The following LRRC7 variants were observed in gnomAD, a reference collection of about 807,000 sequenced individuals.
The protein encoded by LRRC7 is leucine rich repeat containing 7.
Under a neutral mutation model 175.7 loss-of-function variants are expected in LRRC7, and 23 were observed. The observed-to-expected ratio is 0.13, with a 90% CI of 0.09 to 0.19. The LOEUF (loss-of-function observed/expected upper bound fraction) is 0.19. Ranked by LOEUF, LRRC7 falls within the 10% of genes least tolerant of loss-of-function variation. LRRC7 has a pLI of 1.00. For missense variants in LRRC7, 1,354 were observed against 1,904.7 expected, an observed-to-expected ratio of 0.71 and a Z score of 5.38; for synonymous variants, 685 against 680.9, an observed-to-expected ratio of 1.01 and a Z score of -0.09.
At chr1:69,693,492 C>T (rs1444702306) in intron 2 of LRRC7, among the ~76,000 whole-genome samples, 2 of 152,138 alleles carry the variant, frequency 1.3e-5, no homozygotes, top group African/African-American at 2.4e-5. Flanking sequence ...TTGACATTGC[C>T]ATTCAAGTCT....
intron 7 of LRRC7, among the ~76,000 whole-genome samples, chr1:69,868,946 T>C (rs1194401655): frequency 6.6e-6 from 1 of 151,228 alleles, no homozygotes; most frequent in Non-Finnish European, 1.5e-5. Flanking sequence ...TATCTTAATC[T>C]CCTGTTTGTA....
intron 2 of LRRC7, among the ~76,000 whole-genome samples, chr1:69,750,822 G>T (rs866826428): frequency 5.3e-5 from 8 of 152,250 alleles, no homozygotes; most frequent in South Asian, 2.1e-4. Flanking sequence ...TGAGGGCGGG[G>T]TCTTCATGAC....
chr1:69,682,581 T>C (rs957855269), intron 2 of LRRC7, among the ~76,000 whole-genome samples: 1 of 152,134 alleles, frequency 6.6e-6, no homozygotes, highest in African/African-American at 2.4e-5. Flanking sequence ...AAAACCCAAT[T>C]GATGTTATAT....
chr1:69,948,955 T>G (rs1039597110), intron 8 of LRRC7, among the ~76,000 whole-genome samples: 8 of 152,112 alleles, frequency 5.3e-5, no homozygotes, highest in Non-Finnish European at 1.5e-5. Flanking sequence ...TTAATGAGAA[T>G]TTTCAGCTAG....
chr1:69,660,823 G>T (rs1258132171), intron 1 of LRRC7, among the ~76,000 whole-genome samples: 3 of 152,154 alleles, frequency 2.0e-5, no homozygotes, highest in African/African-American at 7.2e-5. Flanking sequence ...GTTGGAGGCA[G>T]TGCAGTGACA....
At chr1:70,082,362 T>C (rs910520216) in intron 24 of LRRC7, among the ~76,000 whole-genome samples, 1 of 152,212 alleles carries the variant, frequency 6.6e-6, no homozygotes, top group African/African-American at 2.4e-5. Flanking sequence ...CCTGTCCCAC[T>C]TAAAGAATTG....
intron 11 of LRRC7, among the ~76,000 whole-genome samples, chr1:70,008,445 T>C (rs1656189308): frequency 6.6e-6 from 1 of 152,246 alleles, no homozygotes; most frequent in African/African-American, 2.4e-5. Flanking sequence ...CTATGCATAT[T>C]ACTTATTGTC....
intron 7 of LRRC7, among the ~76,000 whole-genome samples, chr1:69,901,025 T>G (rs72943268): frequency 0.023 from 3,540 of 152,308 alleles, 163 homozygotes; most frequent in African/African-American, 0.082. Context: ...GTTCCTTGAA[T>G]GCAATATTGA....
chr1:69,675,731 A>G (rs944838508), intron 1 of LRRC7, among the ~76,000 whole-genome samples: 5 of 152,106 alleles, frequency 3.3e-5, no homozygotes, highest in Non-Finnish European at 5.9e-5. Flanking sequence ...TTTAGTTCGC[A>G]TAGCTAATCT....
At position 69,842,519 on chromosome 1, in the gene LRRC7, C is replaced by T. The variant is rs114459882; in HGVS notation, c.647+4236C>T. 4.6e-3 allele frequency among the ~76,000 whole-genome samples: 699 copies of T among 152,248 alleles called. 6 individuals carry two copies. The highest frequency in any genetic ancestry group is 0.015 in the African/African-American group (627 of 41,562). On this transcript the variant is annotated intron_variant, in intron 7 of 26. Coordinates refer to ENST00000651989, the MANE Select transcript of LRRC7 (RefSeq NM_001370785.2). Reference sequence around the variant, plus strand: ...GCACAAGGCATGAAACATGATACCTCACTTTGCTGTCATATACACTGACTA... The same window carrying T: ...GCACAAGGCATGAAACATGATACCTTACTTTGCTGTCATATACACTGACTA...
chr1:70,130,412 AT>A lies in LRRC7; in HGVS notation c.*8527del, dbSNP rs1666616391. Among the ~76,000 whole-genome samples, 1 of 152,200 alleles carries A rather than the reference AT, an allele frequency of 6.6e-6. No individual in the cohort carries two copies. The highest frequency in any genetic ancestry group is 2.4e-5 in the African/African-American group (1 of 41,454). On this transcript the variant is annotated 3_prime_UTR_variant, in exon 27 of 27. Coordinates refer to ENST00000651989, the MANE Select transcript of LRRC7 (RefSeq NM_001370785.2). ...TTATAAATATTGAACTAAACAGCAA[AT>A]TGATCTTCAGTTTGTGTAACCTTAA...
intron 3 of LRRC7, among the ~76,000 whole-genome samples, chr1:69,781,691 GAAAGA>G (rs1248869439): frequency 4.0e-5 from 1 of 24,956 alleles, no homozygotes; most frequent in Non-Finnish European, 6.7e-5. Flanking sequence ...AAAAAAAGAA[GAAAGA>G]AAGAAAGAAA....
At position 69,756,643 on chromosome 1, in the gene LRRC7, T is replaced by G. The variant is rs569518921; in HGVS notation, c.101-3548T>G. ...AGAAAAGGTATTTCTGACATGCAAG[T>G]CCTCAAAAAATACACCTTTTTTGAG... On this transcript the variant is annotated intron_variant, in intron 2 of 26. Transcript: ENST00000651989. Among the ~76,000 whole-genome samples the G allele has an allele frequency of 3.3e-5, 5 of 151,822 alleles. No individual in the cohort carries two copies. The South Asian group carries it at 6.2e-4, about 19-fold the overall frequency.
At chr1:69,859,292 A>T (rs984839279) in intron 7 of LRRC7, among the ~76,000 whole-genome samples, 1 of 152,140 alleles carries the variant, frequency 6.6e-6, no homozygotes, top group Non-Finnish European at 1.5e-5. Flanking sequence ...TAGAATGAAG[A>T]CTAATTTTAA....
chr1:69,875,195 G>C (rs1685932609), intron 7 of LRRC7, among the ~76,000 whole-genome samples: 3 of 151,958 alleles, frequency 2.0e-5, no homozygotes, highest in African/African-American at 7.2e-5. Context: ...TTGCTGTTTT[G>C]ACTTTATGAT....
chr1:69,752,654 G>A (rs761803738), intron 2 of LRRC7, among the ~76,000 whole-genome samples: 1 of 152,136 alleles, frequency 6.6e-6, no homozygotes, highest in African/African-American at 2.4e-5. Context: ...AAGCACTGCT[G>A]TTCAAATGCG....
chr1:69,795,225 T>A (rs902729352), intron 4 of LRRC7, among the ~76,000 whole-genome samples: 2 of 151,834 alleles, frequency 1.3e-5, no homozygotes, highest in African/African-American at 4.8e-5. Flanking sequence ...ACTAAAAATA[T>A]AAAAATTAGC....
At chr1:69,705,810 A>G (rs1390131568) in intron 2 of LRRC7, among the ~76,000 whole-genome samples, 2 of 152,128 alleles carry the variant, frequency 1.3e-5, no homozygotes, top group Non-Finnish European at 2.9e-5. Flanking sequence ...CTGATTTTGG[A>G]CATGACCAGA....
intron 7 of LRRC7, among the ~76,000 whole-genome samples, chr1:69,839,697 A>G (rs1004726895): frequency 1.3e-5 from 2 of 152,088 alleles, no homozygotes; most frequent in African/African-American, 4.8e-5. Flanking sequence ...AATATTGAGT[A>G]TGCAGAGGAG....
Sources: allele counts gnomAD v4.1 joint callset (sites outside exome capture counted in the v4.1 genomes callset), GRCh38; gene constraint gnomAD v4.1.1; transcripts MANE v1.5; gene names NCBI Gene and HGNC (gene_info 2026-07-23, HGNC 2026-07-21).